ARSK: variants seen among roughly 807,000 people sequenced by gnomAD.
The protein encoded by ARSK is arylsulfatase K.
A neutral mutation model predicts 53.2 loss-of-function variants in ARSK; 37 were observed. The observed-to-expected ratio is 0.70, with a 90% CI of 0.54 to 0.92. The LOEUF (loss-of-function observed/expected upper bound fraction) is 0.92, where lower values mean the gene tolerates loss of function less well. Among genes scored for constraint, ARSK ranks in the 40% least tolerant of loss-of-function variants. The pLI, the probability that ARSK is intolerant of heterozygous loss-of-function variation, is 0.00. For synonymous variants in ARSK, 208 were observed against 223.2 expected (o/e 0.93, Z 0.61); for missense variants, 613 against 643.0 (o/e 0.95, Z 0.51).
At chr5:95,602,914 A>T (rs1193417763) in intron 7 of ARSK, among the ~76,000 whole-genome samples, 1 of 152,204 alleles carries the variant, frequency 6.6e-6, no homozygotes, top group Non-Finnish European at 1.5e-5. Flanking sequence ...TGCCTGTCAA[A>T]GTAGGCAGGA....
intron 6 of ARSK, among the ~76,000 whole-genome samples, chr5:95,593,534 G>A (rs963641616): frequency 3.3e-5 from 5 of 152,084 alleles, no homozygotes; most frequent in Admixed American, 1.3e-4. Context: ...ATCTTGAGAA[G>A]ATACCATTAT....
intron 1 of ARSK, among the ~76,000 whole-genome samples, chr5:95,559,117 G>A (rs1301769246): frequency 6.6e-6 from 1 of 152,142 alleles, no homozygotes; most frequent in Non-Finnish European, 1.5e-5. Context: ...CTCCAGCATG[G>A]ACAAAAGAGC....
intron 1 of ARSK, chr5:95,556,903 G>C (rs892687119): frequency 6.6e-6 from 1 of 152,026 alleles, no homozygotes; most frequent in South Asian, 2.1e-4. Context: ...CCAGCTACTC[G>C]GGAGGCTGAA....
In ARSK at chr5:95,600,972, C is replaced by T; in HGVS notation, c.1222C>T (p.His408Tyr). Residue 408 changes from histidine (H) to tyrosine (Y), a missense_variant, in exon 7 of 8, where the codon CAT becomes TAT. Transcript: ENST00000380009. ...LHPPWILSEF[H>Y]GCNVNASTYM... is the part of the protein sequence containing the mutation. ...TCCACCCTGGATTCTGAGTGAATTC[C>T]ATGGATGTAATGTGAATGCCTCCAC... The T allele has an allele frequency of 2.9e-5, 47 of 1,614,016 alleles. No homozygotes were observed. Among genetic ancestry groups the T allele is most frequent in the Non-Finnish European group, 4.0e-5 (47 of 1,179,940 alleles).
At chr5:95,572,875 AC>A (rs1486109576) in intron 3 of ARSK, among the ~76,000 whole-genome samples, 3 of 152,012 alleles carry the variant, frequency 2.0e-5, no homozygotes, top group African/African-American at 7.2e-5. Flanking sequence ...GTCACCCTTC[AC>A]CCCCATACAC....
chr5:95,569,217 C>G (rs1372102894), intron 3 of ARSK, among the ~76,000 whole-genome samples: 1 of 152,098 alleles, frequency 6.6e-6, no homozygotes, highest in African/African-American at 2.4e-5. Flanking sequence ...CTCTTTCTTA[C>G]CTAGGCAAGT....
At chr5:95,600,353 A>T (rs1250453598) in intron 6 of ARSK, among the ~76,000 whole-genome samples, 1 of 152,176 alleles carries the variant, frequency 6.6e-6, no homozygotes, top group Admixed American at 6.6e-5. Context: ...TATGTATTTA[A>T]TTTTGTTTAA....
At chr5:95,572,102 C>T (rs1407340706) in intron 3 of ARSK, among the ~76,000 whole-genome samples, 1 of 152,006 alleles carries the variant, frequency 6.6e-6, no homozygotes, top group African/African-American at 2.4e-5. Flanking sequence ...GCGATGCTTC[C>T]TTCTTGTACC....
chr5:95,592,607 G>A (rs1327545137), intron 6 of ARSK, among the ~76,000 whole-genome samples: 1 of 152,064 alleles, frequency 6.6e-6, no homozygotes, highest in African/African-American at 2.4e-5. Flanking sequence ...GGAGTGCAGT[G>A]GTGCGATTTC....
intron 3 of ARSK, chr5:95,580,771 A>C (rs1454378289): frequency 2.6e-6 from 1 of 379,516 alleles, no homozygotes; most frequent in Non-Finnish European, 4.5e-6. Context: ...TTTTGAATAC[A>C]TTAAACAGTG....
chr5:95,558,957 A>T (rs1303606258), intron 1 of ARSK, among the ~76,000 whole-genome samples: 1 of 152,212 alleles, frequency 6.6e-6, no homozygotes, highest in Non-Finnish European at 1.5e-5. Flanking sequence ...CCTGGCCAAC[A>T]TGGCGAAACC....
At chr5:95,597,937 C>T (rs1341421204) in intron 6 of ARSK, among the ~76,000 whole-genome samples, 3 of 151,082 alleles carry the variant, frequency 2.0e-5, no homozygotes, top group African/African-American at 4.9e-5. Flanking sequence ...TATTTCATAG[C>T]TCAGAACAAT....
intron 3 of ARSK, among the ~76,000 whole-genome samples, chr5:95,573,887 CTT>C (rs1485923121): frequency 1.3e-5 from 2 of 152,166 alleles, no homozygotes; most frequent in African/African-American, 4.8e-5. Flanking sequence ...CAATTATACT[CTT>C]AGTCATTTTA....
Position 95,578,589 on chromosome 5 carries a change from C to T in ARSK, c.417-4327C>T, listed in dbSNP as rs115702559. The stretch of plus-strand genomic sequence containing the variant: ...TCCAATTTTTTGATTGTGAGACTTA[C>T]CAGAAACACATTAGCTGCTATAATC... On this transcript the variant is annotated intron_variant, in intron 3 of 7. Coordinates refer to ENST00000380009, the MANE Select transcript of ARSK (RefSeq NM_198150.3). 8.4e-3 allele frequency among the ~76,000 whole-genome samples: 1,281 copies of T among 152,100 alleles called. 14 individuals carry two copies. The highest frequency in any genetic ancestry group is 0.029 in the African/African-American group (1,217 of 41,474).
chr5:95,591,571 G>A lies in ARSK; in HGVS notation c.1042G>A (p.Gly348Ser), dbSNP rs368264304. Residue 348 changes from glycine to serine, a missense_variant, in exon 6 of 8, where the codon GGC becomes AGC. Gly to Ser is a moderately conservative substitution (Grantham distance 56). Transcript: ENST00000380009. ...LLMMGPGIKA[G>S]LQVSNVVSLV... Reference sequence around the variant, plus strand: ...GATGATGGGACCAGGAATTAAAGCCGGCCTACAAGTATCAAATGTGGTTTC... The same window carrying A: ...GATGATGGGACCAGGAATTAAAGCCAGCCTACAAGTATCAAATGTGGTTTC... The A allele has an allele frequency of 1.5e-5, 25 of 1,614,014 alleles. No homozygotes were observed. The highest frequency in any genetic ancestry group is 4.5e-5 in the East Asian group (2 of 44,894).
intron 3 of ARSK, among the ~76,000 whole-genome samples, chr5:95,575,420 G>T (rs1748909577): frequency 6.6e-6 from 1 of 151,974 alleles, no homozygotes; most frequent in Admixed American, 6.6e-5. Context: ...GAATGTTATT[G>T]GTATTTTGAT....
At chr5:95,559,575 A>G (rs1267192129) in intron 1 of ARSK, among the ~76,000 whole-genome samples, 1 of 152,262 alleles carries the variant, frequency 6.6e-6, no homozygotes, top group Non-Finnish European at 1.5e-5. Flanking sequence ...CTGAAAATCA[A>G]TTAATGTAAT....
intron 2 of ARSK, 75 bp downstream of exon 2, chr5:95,566,202 C>T (rs1748725515): frequency 2.0e-6 from 3 of 1,526,616 alleles, no homozygotes; most frequent in Admixed American, 2.1e-5. Context: ...AAAGATTATA[C>T]CTAAAAGTAG....
Position 95,566,065 on chromosome 5 carries a change from C to T in ARSK, c.194C>T (p.Thr65Ile), listed in dbSNP as rs1432881221. The T allele has an allele frequency of 6.2e-7, 1 of 1,613,634 alleles. No homozygotes were observed. Residue 65 changes from threonine to isoleucine, a missense_variant, in exon 2 of 8, where the codon ACA (threonine) becomes ATA (isoleucine). Transcript: ENST00000380009. Reference protein sequence around the residue: ...VKLPFINFMKTRGTSFLNAYT... With the variant: ...VKLPFINFMKIRGTSFLNAYT... ...CTTCCTTTTATCAACTTTATGAAGA[C>T]ACGTGGGACTTCCTTTCTGAATGCC...
Sources: gnomAD v4.1 joint callset for allele counts (sites outside exome capture counted in the v4.1 genomes callset) on GRCh38, gnomAD v4.1.1 for gene constraint, MANE v1.5 for transcripts, NCBI Gene and HGNC (gene_info 2026-07-23, HGNC 2026-07-21) for gene names.